The following MGST2 variants were observed in gnomAD, a reference collection of about 807,000 sequenced individuals.
MGST2 encodes the protein glutathione peroxidase MGST2.
MGST2 carries 9 observed loss-of-function variants against 16.6 expected under a neutral mutation model. The ratio of observed to expected loss-of-function variants is 0.54; its 90% CI spans 0.33 to 0.95. The LOEUF is 0.95. MGST2 is among the 40% of genes least tolerant of loss of function. The pLI, the probability that MGST2 is intolerant of heterozygous loss-of-function variation, is 0.03. For missense variants in MGST2, 159 were observed against 175.1 expected, an observed-to-expected ratio of 0.91 and a Z score of 0.52; for synonymous variants, 79 against 68.0, an observed-to-expected ratio of 1.16 and a Z score of -0.79.
chr4:139,702,777 G>A (rs1410450212), intron 3 of MGST2, among the ~76,000 whole-genome samples: 1 of 141,446 alleles, frequency 7.1e-6, no homozygotes, highest in Non-Finnish European at 1.5e-5. Context: ...GTACTATTTT[G>A]CATTCCTGCC....
chr4:139,731,766 A>G (rs1175966676), intron 5 of MGST2, among the ~76,000 whole-genome samples: 2 of 152,204 alleles, frequency 1.3e-5, no homozygotes, highest in Non-Finnish European at 1.5e-5. Context: ...CAAGTGGTAA[A>G]GACCTAATTC....
chr4:139,728,328 G>T (rs1728559914), intron 5 of MGST2, among the ~76,000 whole-genome samples: 1 of 152,198 alleles, frequency 6.6e-6, no homozygotes, highest in Non-Finnish European at 1.5e-5. Context: ...CCACTGACCT[G>T]GCTGGGCCAT....
In MGST2 at chr4:139,697,607, G is replaced by A. The variant is rs565331452; in HGVS notation, c.229+2340G>A. Among the ~76,000 whole-genome samples, 11 of 152,154 alleles carry A rather than the reference G, an allele frequency of 7.2e-5. No homozygotes were observed. The South Asian group carries it at 2.3e-3, about 31-fold the overall frequency. On this transcript the variant is annotated intron_variant, in intron 3 of 4. Transcript: ENST00000265498. ...GAATCCTATTAGAGTCTACAAGTAT[G>A]TGTTTCTTTTTTCTTTTAATAGTTT...
chr4:139,695,177 G>A lies in MGST2; in HGVS notation c.159-20G>A. 1.3e-6 allele frequency: 2 copies of A among 1,550,954 alleles called. No individual in the cohort carries two copies. The highest frequency in any genetic ancestry group is 1.4e-5 in the African/African-American group (1 of 73,778). On this transcript the variant is annotated intron_variant, in intron 2 of 4. Coordinates refer to ENST00000265498, the MANE Select transcript of MGST2 (RefSeq NM_002413.5). ...ATACTTTTCTCATAAAATAACCTATGTCTTTATTTTTTTCTGCAGACAAAA... is the reference window on the plus strand; with the variant it reads ...ATACTTTTCTCATAAAATAACCTATATCTTTATTTTTTTCTGCAGACAAAA...
At chr4:139,709,924 AGGACACTAGT>A (rs1463554742) in intron 5 of MGST2, among the ~76,000 whole-genome samples, 1 of 152,236 alleles carries the variant, frequency 6.6e-6, no homozygotes, top group Non-Finnish European at 1.5e-5. Flanking sequence ...GCTACTCCAG[AGGACACTAGT>A]GGAGGAATTT....
At chr4:139,675,888 CG>C (rs1730933198) in intron 1 of MGST2, among the ~76,000 whole-genome samples, 1 of 152,044 alleles carries the variant, frequency 6.6e-6, no homozygotes, top group South Asian at 2.1e-4. Flanking sequence ...GCATGCATTC[CG>C]GAGATGTATA....
chr4:139,730,511 G>T, intron 5 of MGST2: 1 of 1,558,886 alleles, frequency 6.4e-7, no homozygotes, highest in Non-Finnish European at 8.7e-7. Context: ...TGGGCCCGCT[G>T]ATCAATGAGC....
At chr4:139,677,535 C>G (rs528221547) in intron 1 of MGST2, among the ~76,000 whole-genome samples, 94 of 150,188 alleles carry the variant, frequency 6.3e-4, no homozygotes, top group Non-Finnish European at 1.2e-3. Flanking sequence ...GAGTTTCACT[C>G]TTGTTGTCCA....
intron 2 of MGST2, among the ~76,000 whole-genome samples, chr4:139,689,356 C>T (rs1422595296): frequency 6.6e-6 from 1 of 152,288 alleles, no homozygotes; most frequent in African/African-American, 2.4e-5. Flanking sequence ...TCATGCTCTC[C>T]TGCCACCAGC....
At chr4:139,705,780 G>A (rs1240319276), downstream of MGST2, 1 of 152,152 alleles carries the variant, frequency 6.6e-6, no homozygotes, top group Non-Finnish European at 1.5e-5. Context: ...TGCATGCCCT[G>A]TGTCATGTGG....
At chr4:139,670,905 A>C (rs1209030014) in intron 1 of MGST2, among the ~76,000 whole-genome samples, 1 of 128,108 alleles carries the variant, frequency 7.8e-6, no homozygotes. Flanking sequence ...ACCCTATCTC[A>C]AAAAAAAAAA....
At chr4:139,669,989 C>A (rs1412369197) in intron 1 of MGST2, among the ~76,000 whole-genome samples, 1 of 152,118 alleles carries the variant, frequency 6.6e-6, no homozygotes, top group Non-Finnish European at 1.5e-5. Context: ...TGGGAAAGTT[C>A]GTCCAGGTGT....
intron 5 of MGST2, among the ~76,000 whole-genome samples, chr4:139,733,939 G>T (rs1191530069): frequency 6.6e-6 from 1 of 152,182 alleles, no homozygotes; most frequent in Non-Finnish European, 1.5e-5. Flanking sequence ...CAATCCTCCT[G>T]CCTTGGCCTC....
intron 5 of MGST2, among the ~76,000 whole-genome samples, chr4:139,711,790 C>G (rs1249674057): frequency 1.3e-5 from 2 of 152,194 alleles, no homozygotes; most frequent in Non-Finnish European, 2.9e-5. Context: ...GTTGCCGCCT[C>G]TGACATTTCC....
intron 2 of MGST2, among the ~76,000 whole-genome samples, chr4:139,692,213 G>A (rs1294194146): frequency 6.6e-6 from 1 of 152,184 alleles, no homozygotes; most frequent in African/African-American, 2.4e-5. Flanking sequence ...GAGATATGGT[G>A]CTGAGCTGCT....
chr4:139,731,299 T>A (rs908127488), intron 5 of MGST2: 3 of 153,274 alleles, frequency 2.0e-5, no homozygotes, highest in Non-Finnish European at 4.4e-5. Flanking sequence ...CTAATATTTT[T>A]AAAAATAGAA....
At chr4:139,703,412 T>G in intron 3 of MGST2, 43 bp from the exon 4 acceptor site, 1 of 1,498,924 alleles carries the variant, frequency 6.7e-7, no homozygotes, top group Non-Finnish European at 9.3e-7. Context: ...GAGACTGCTG[T>G]TGTATTTTGT....
intron 2 of MGST2, among the ~76,000 whole-genome samples, chr4:139,681,985 G>C (rs773450768): frequency 5.3e-5 from 8 of 152,092 alleles, no homozygotes; most frequent in Admixed American, 1.3e-4. Context: ...GAGACCAGAA[G>C]TTCAAGAGCA....
In MGST2 at chr4:139,716,148, AGACAAGTCAACTG is replaced by A. The variant is rs1352737760; in HGVS notation, c.*48+11954_*48+11966del. ...AGCAAAATTATATCTGAGTTTGTTC[AGACAAGTCAACTG>A]GGCTTTTATACTCCTGCACCAGTGA... On this transcript the variant is annotated intron_variant, in intron 5 of 5. Coordinates refer to the MGST2 transcript ENST00000616265. Among the ~76,000 whole-genome samples, 28 of 152,274 alleles carry A rather than the reference AGACAAGTCAACTG, an allele frequency of 1.8e-4. No individual in the cohort carries two copies. The Middle Eastern group carries it at 0.017, about 92-fold the overall frequency.
Sources: gnomAD v4.1 joint callset for allele counts (sites outside exome capture counted in the v4.1 genomes callset) on GRCh38, gnomAD v4.1.1 for gene constraint, MANE v1.5 for transcripts, NCBI Gene and HGNC (gene_info 2026-07-23, HGNC 2026-07-21) for gene names.